The following RYR3 variants were observed in gnomAD, a reference collection of about 807,000 sequenced individuals.
The protein encoded by RYR3 is ryanodine receptor 3, also known as brain ryanodine receptor-calcium release channel.
Under a neutral mutation model 584.3 loss-of-function variants are expected in RYR3, and 207 were observed. That is an observed-to-expected ratio of 0.35 (90% CI 0.32 to 0.40). The LOEUF (loss-of-function observed/expected upper bound fraction) is 0.40. RYR3 is among the 10% of genes least tolerant of loss of function. The pLI is 1.00. For missense variants in RYR3, 5,616 were observed against 6,089.2 expected (o/e 0.92, Z 2.59); for synonymous variants, 2,416 against 2,248.5 (o/e 1.07, Z -2.11).
rs1971040708 is a variant in RYR3 at position 33,336,469 on chromosome 15, AGAGAGAG to A, written c.51+25374_51+25380del. Among the ~76,000 whole-genome samples, 2 of 23,492 alleles carry A rather than the reference AGAGAGAG, an allele frequency of 8.5e-5. 1 individual carries two copies. Among genetic ancestry groups the A allele is most frequent in the African/African-American group, 6.7e-4 (2 of 2,978 alleles). The allele number at this position is 23,492 out of a possible 152,430, so 15.4% of individuals were successfully genotyped here. ...GAGAGAGAGAGAGAGAGAGAGAGAG[AGAGAGAG>A]AGAGAGAGAGAAAGAAAGAAAGAAA... On this transcript the variant is annotated intron_variant, in intron 1 of 103. Transcript: ENST00000634891.
intron 38 of RYR3, among the ~76,000 whole-genome samples, chr15:33,672,727 C>T (rs1481136407): frequency 6.6e-6 from 1 of 152,162 alleles, no homozygotes; most frequent in East Asian, 1.9e-4. Flanking sequence ...TATTGCGTAT[C>T]TGATTTCTAT....
chr15:33,524,460 G>A (rs1305390892), intron 3 of RYR3, among the ~76,000 whole-genome samples: 1 of 151,914 alleles, frequency 6.6e-6, no homozygotes, highest in East Asian at 1.9e-4. Flanking sequence ...TTTTTGTTTT[G>A]TTGCGCCTAT....
intron 8 of RYR3, 135 bp from the exon 9 acceptor site, chr15:33,547,994 CT>C (rs1164747454): frequency 1.5e-6 from 1 of 656,006 alleles, no homozygotes; most frequent in Non-Finnish European, 2.7e-6. Flanking sequence ...CCCTCTTATT[CT>C]GGCTTTGCAT....
At chr15:33,736,127 T>C (rs1400422901) in intron 48 of RYR3, 108 bp from the exon 49 acceptor site, 1 of 660,492 alleles carries the variant, frequency 1.5e-6, no homozygotes, top group Non-Finnish European at 2.6e-6. Flanking sequence ...TATTAGGAGC[T>C]GTTTTGAGGC....
chr15:33,668,296 A>G (rs915062949), intron 36 of RYR3, among the ~76,000 whole-genome samples: 3 of 152,186 alleles, frequency 2.0e-5, no homozygotes, highest in Non-Finnish European at 2.9e-5. Context: ...CAGCCTGGGC[A>G]ACAGAGCGAG....
chr15:33,765,462 G>A (rs574565653), intron 60 of RYR3, among the ~76,000 whole-genome samples: 18 of 151,834 alleles, frequency 1.2e-4, no homozygotes, highest in African/African-American at 1.7e-4. Context: ...ATAAAACCCC[G>A]TCTCTACTAA....
rs570284410 is a variant in RYR3, at chr15:33,311,423, G to T, written c.51+327G>T. Among the ~76,000 whole-genome samples, 7 of 152,348 alleles carry T rather than the reference G, an allele frequency of 4.6e-5. No individual in the cohort carries two copies. Among genetic ancestry groups the T allele is most frequent in the African/African-American group, 1.7e-4 (7 of 41,590 alleles). Reference sequence around the variant, plus strand: ...CAAACTTCAGCCGGGGTTTGTTCGCGGTTGTCCTGACCCATAAGATCGGCG... The same window carrying T: ...CAAACTTCAGCCGGGGTTTGTTCGCTGTTGTCCTGACCCATAAGATCGGCG... On this transcript the variant is annotated intron_variant, in intron 1 of 103. Transcript: ENST00000634891. This position sits in a 1 kb window ranked among gnomAD's most constrained non-coding sequence, Gnocchi z 4.4.
intron 33 of RYR3, 135 bp downstream of exon 33, chr15:33,659,941 C>T (rs996884258): frequency 1.5e-6 from 1 of 675,478 alleles, no homozygotes; most frequent in Non-Finnish European, 2.6e-6. Flanking sequence ...AGGCCCTGCC[C>T]TTTCCTGTGG....
At chr15:33,844,783 C>A in intron 92 of RYR3, 79 bp from the exon 93 acceptor site, 1 of 1,260,340 alleles carries the variant, frequency 7.9e-7, no homozygotes. Flanking sequence ...CACATGCTAA[C>A]AATATAAAAT....
At position 33,742,391 on chromosome 15, in the gene RYR3, T is replaced by C. The variant is rs2070235310; in HGVS notation, c.7846T>C (p.Tyr2616His). The C allele has an allele frequency of 6.2e-7, 1 of 1,613,178 alleles. No homozygotes were observed. Among genetic ancestry groups the C allele is most frequent in the Non-Finnish European group, 8.5e-7 (1 of 1,179,152 alleles). The change falls in exon 52 of 104, where the codon TAC (tyrosine) becomes CAC (histidine). Residue 2616 changes from tyrosine (Y) to histidine (H), a missense_variant. Physicochemically the swap from Tyr to His is moderately conservative, Grantham distance 83. Coordinates refer to ENST00000634891, the MANE Select transcript of RYR3 (RefSeq NM_001036.6). ...MNFSLPEKLE[Y>H]IVTKYAEHSH... Reference sequence around the variant, plus strand: ...TTTTTCCTTGCCTGAAAAATTGGAATACATCGTCACCAAGTATGCTGAGCA... The same window carrying C: ...TTTTTCCTTGCCTGAAAAATTGGAACACATCGTCACCAAGTATGCTGAGCA...
intron 40 of RYR3, among the ~76,000 whole-genome samples, chr15:33,698,246 T>A (rs570097568): frequency 5.3e-5 from 8 of 152,340 alleles, no homozygotes; most frequent in Admixed American, 3.3e-4. Context: ...TTGCTAAGTT[T>A]ACTTCCCGTA....
chr15:33,782,451 A>G (rs570263889), intron 65 of RYR3, among the ~76,000 whole-genome samples: 1 of 152,344 alleles, frequency 6.6e-6, no homozygotes, highest in Non-Finnish European at 1.5e-5. Flanking sequence ...TCCATTAGCG[A>G]CACACTATGG....
chr15:33,809,722 G>T (rs972934359), intron 70 of RYR3, among the ~76,000 whole-genome samples: 1 of 150,850 alleles, frequency 6.6e-6, no homozygotes, highest in African/African-American at 2.4e-5. Flanking sequence ...TGCAACCTCT[G>T]TCTCATGGGT....
intron 65 of RYR3, among the ~76,000 whole-genome samples, chr15:33,780,979 G>A (rs2074346570): frequency 6.6e-6 from 1 of 152,140 alleles, no homozygotes; most frequent in African/African-American, 2.4e-5. Context: ...ACCTACTTAC[G>A]TACATTTGGT....
intron 16 of RYR3, among the ~76,000 whole-genome samples, chr15:33,597,355 G>A (rs1044236356): frequency 1.1e-4 from 17 of 152,118 alleles, no homozygotes; most frequent in South Asian, 6.2e-4. Context: ...AGTAGCTCAC[G>A]CCTGTAATCC....
intron 1 of RYR3, among the ~76,000 whole-genome samples, chr15:33,460,164 G>A (rs1037416249): frequency 6.6e-6 from 1 of 152,216 alleles, no homozygotes; most frequent in Non-Finnish European, 1.5e-5. Context: ...GACATGGTAG[G>A]GGACAGAGAG....
Position 33,818,676 on chromosome 15 carries a change from G to A in RYR3, c.10698G>A (p.Thr3566=), listed in dbSNP as rs200309704. Residue 3566 remains threonine, a synonymous_variant, in exon 76 of 104, where the codon ACG becomes ACA. Coordinates refer to ENST00000634891, the MANE Select transcript of RYR3 (RefSeq NM_001036.6). ...IILYFSRNAL[T]ERSKLEDDPL... is the part of the protein sequence containing the mutation. ...TCTATTTTAGCCGCAACGCTCTCAC[G>A]GAGAGGAGGTCAGAACCACCAGCTC... 3.0e-4 allele frequency: 486 copies of A among 1,613,188 alleles called. 2 individuals carry two copies. In the African/African-American group the frequency reaches 5.4e-3, roughly 18 times the overall value.
At chr15:33,863,990 T>C in intron 102 of RYR3, 148 bp from the exon 103 acceptor site, 1 of 577,396 alleles carries the variant, frequency 1.7e-6, no homozygotes, top group Non-Finnish European at 3.1e-6. Context: ...TGATGGTTTG[T>C]GTCCTTATGC....
intron 1 of RYR3, among the ~76,000 whole-genome samples, chr15:33,349,726 C>T (rs1178664143): frequency 7.1e-6 from 1 of 141,332 alleles, no homozygotes; most frequent in Non-Finnish European, 1.5e-5. Flanking sequence ...GTATATCTCC[C>T]AATGCTATCC....
Sources: allele counts gnomAD v4.1 joint callset (sites outside exome capture counted in the v4.1 genomes callset), GRCh38; gene constraint gnomAD v4.1.1; non-coding constraint Gnocchi (gnomAD v3.1); transcripts MANE v1.5; gene names NCBI Gene and HGNC (gene_info 2026-07-23, HGNC 2026-07-21).